The following RSF1 variants were observed in gnomAD, a reference collection of about 807,000 sequenced individuals.
RSF1 encodes the protein remodeling and spacing factor 1, also known as HBV pX-associated protein 8.
RSF1 carries 13 observed loss-of-function variants against 145.2 expected under a neutral mutation model. The observed-to-expected ratio is 0.09, with a 90% CI of 0.06 to 0.14. The LOEUF is 0.14. Among genes scored for constraint, RSF1 ranks in the 10% least tolerant of loss-of-function variants. RSF1 has a pLI of 1.00. For missense variants in RSF1, 1,517 were observed against 1,718.2 expected (o/e 0.88, Z 2.07); for synonymous variants, 577 against 592.6 (o/e 0.97, Z 0.38).
At position 77,674,209 on chromosome 11, in the gene RSF1, C is replaced by A. The variant is rs566040654; in HGVS notation, c.3562+827G>T. Among the ~76,000 whole-genome samples the A allele has an allele frequency of 8.6e-5, 13 of 151,270 alleles. No homozygotes were observed. The South Asian group carries it at 2.5e-3, about 29-fold the overall frequency. On this transcript the variant is annotated intron_variant, in intron 14 of 15. Coordinates refer to ENST00000308488, the MANE Select transcript of RSF1 (RefSeq NM_016578.4). The stretch of plus-strand genomic sequence containing the variant: ...GTTTAGGAAAAAAGATAAATAAAAC[C>A]AAAAAAAACCCACAAGGATGGCCAG...
chr11:77,810,903 A>G lies in RSF1; in HGVS notation c.187+9625T>C, dbSNP rs564678207. 5.3e-5 allele frequency among the ~76,000 whole-genome samples: 8 copies of G among 152,296 alleles called. No homozygotes were observed. In the East Asian group the frequency reaches 1.2e-3, roughly 22 times the overall value. Reference sequence around the variant, plus strand: ...TCTGTAAAGGGCTAGACAGATAATAAGTTCTTCAGGTTTTGGGTTTTGTTT... The same window carrying G: ...TCTGTAAAGGGCTAGACAGATAATAGGTTCTTCAGGTTTTGGGTTTTGTTT... On this transcript the variant is annotated intron_variant, in intron 1 of 15. Transcript: ENST00000308488.
At chr11:77,763,357 AG>A (rs1263971537) in intron 2 of RSF1, 11 of 150,830 alleles carry the variant, frequency 7.3e-5, no homozygotes, top group African/African-American at 2.7e-4. Flanking sequence ...AAAAAAAAAA[AG>A]ATTAAAAGAA....
intron 9 of RSF1, 109 bp from the exon 10 acceptor site, chr11:77,685,268 G>A (rs1395976129): frequency 1.8e-6 from 1 of 556,728 alleles, no homozygotes; most frequent in African/African-American, 2.0e-5. Context: ...GTTAACAGCA[G>A]AGGGTAAGTC....
chr11:77,864,753 A>AGG, the RSF1 span, among the ~76,000 whole-genome samples: 1 of 152,168 alleles, frequency 6.6e-6, no homozygotes, highest in African/African-American at 2.4e-5. Context: ...CCAAGATGGG[A>AGG]GGATTGTTTG....
intron 2 of RSF1, among the ~76,000 whole-genome samples, chr11:77,759,409 T>C (rs991281745): frequency 6.6e-6 from 1 of 151,786 alleles, no homozygotes; most frequent in Non-Finnish European, 1.5e-5. Flanking sequence ...AGGCTGGGCG[T>C]AGCGGCTCAC....
chr11:77,699,864 T>G (rs756658054), intron 6 of RSF1, among the ~76,000 whole-genome samples: 2 of 152,054 alleles, frequency 1.3e-5, no homozygotes, highest in Admixed American at 6.5e-5. Context: ...AGTAAGTGAG[T>G]GGTTAAATAA....
chr11:77,812,951 T>C (rs1437067060), intron 1 of RSF1, among the ~76,000 whole-genome samples: 4 of 152,030 alleles, frequency 2.6e-5, no homozygotes, highest in South Asian at 4.1e-4. Context: ...CAACTCATGT[T>C]CTTACACTGA....
intron 5 of RSF1, among the ~76,000 whole-genome samples, chr11:77,708,532 AAG>A (rs1412221428): frequency 1.7e-4 from 26 of 152,216 alleles, no homozygotes; most frequent in Middle Eastern, 3.2e-3. Flanking sequence ...CCCACTCAGA[AAG>A]AGTTTTAATC....
chr11:77,774,266 A>T (rs1390168569), intron 1 of RSF1, among the ~76,000 whole-genome samples: 1 of 152,186 alleles, frequency 6.6e-6, no homozygotes, highest in East Asian at 1.9e-4. Flanking sequence ...CAACAGGGAG[A>T]GGGGGAGTAA....
chr11:77,738,048 G>A (rs1362848867), intron 4 of RSF1, among the ~76,000 whole-genome samples: 1 of 152,208 alleles, frequency 6.6e-6, no homozygotes, highest in Non-Finnish European at 1.5e-5. Flanking sequence ...AGAATGGCGT[G>A]AACCCGGAAG....
intron 1 of RSF1, among the ~76,000 whole-genome samples, chr11:77,766,558 C>T (rs898875107): frequency 5.3e-5 from 8 of 151,794 alleles, no homozygotes; most frequent in East Asian, 1.9e-4. Context: ...GACAAATCTA[C>T]TAAGATGTGA....
intron 1 of RSF1, among the ~76,000 whole-genome samples, chr11:77,810,183 A>G (rs1215983885): frequency 6.6e-6 from 1 of 152,170 alleles, no homozygotes; most frequent in Non-Finnish European, 1.5e-5. Flanking sequence ...ACACGGCATC[A>G]CCATTCATCC....
At chr11:77,749,815 C>G (rs1948041998) in intron 2 of RSF1, among the ~76,000 whole-genome samples, 1 of 152,128 alleles carries the variant, frequency 6.6e-6, no homozygotes, top group South Asian at 2.1e-4. Context: ...GTGGTGCGAT[C>G]TCGGCTCACT....
chr11:77,737,621 G>GGT lies in RSF1; in HGVS notation c.578+3108_578+3109dup, dbSNP rs1170824350. Among the ~76,000 whole-genome samples, 340 of 93,540 alleles carry GGT rather than the reference G, an allele frequency of 3.6e-3. 2 individuals carry two copies. The highest frequency in any genetic ancestry group is 0.011 in the Admixed American group (97 of 8,506). The allele number at this position is 93,540 out of a possible 152,430, so 61.4% of individuals were successfully genotyped here. A position where few individuals can be genotyped will look rare whatever the true frequency, so the allele number is the denominator to read the frequency against. ...GAAAGAAGTTTTATGTGTTTTGGGG[G>GGT]GTGTGTGTGTGTGTGTGTGTGTGTG... On this transcript the variant is annotated intron_variant, in intron 4 of 15. Coordinates refer to ENST00000308488, the MANE Select transcript of RSF1 (RefSeq NM_016578.4).
chr11:77,730,551 A>G (rs1961180627), intron 4 of RSF1, among the ~76,000 whole-genome samples: 1 of 152,118 alleles, frequency 6.6e-6, no homozygotes, highest in Non-Finnish European at 1.5e-5. Flanking sequence ...TTCCCCACCA[A>G]AGCAAGAAGA....
chr11:77,674,827 C>T (rs999544136), intron 14 of RSF1, among the ~76,000 whole-genome samples: 1 of 152,108 alleles, frequency 6.6e-6, no homozygotes, highest in Non-Finnish European at 1.5e-5. Flanking sequence ...TGGAGAAACT[C>T]CCTCTCTACT....
intron 7 of RSF1, 70 bp from the exon 8 acceptor site, chr11:77,693,681 C>A: frequency 9.4e-7 from 1 of 1,059,572 alleles, no homozygotes; most frequent in Non-Finnish European, 1.4e-6. Context: ...AAAGACGTTT[C>A]AATATCTCTG....
In RSF1 at chr11:77,698,589, A is replaced by C; in HGVS notation, c.2613T>G (p.Ser871=). ...ESEGSGSEKS[S]AASEEEEEKE... ...TTTCTTCCTCCTCTTCTGAAGCTGCAGATGATTTTTCACTGCCAGACCCTT... is the reference window on the plus strand; with the variant it reads ...TTTCTTCCTCCTCTTCTGAAGCTGCCGATGATTTTTCACTGCCAGACCCTT... Residue 871 remains serine (S), a synonymous_variant, in exon 7 of 16, where the codon TCT becomes TCG. Coordinates refer to ENST00000308488, the MANE Select transcript of RSF1 (RefSeq NM_016578.4). 1 of 1,614,138 alleles carries C rather than the reference A, an allele frequency of 6.2e-7. No homozygotes were observed. The highest frequency in any genetic ancestry group is 2.2e-5 in the East Asian group (1 of 44,868).
intron 1 of RSF1, among the ~76,000 whole-genome samples, chr11:77,820,142 G>A (rs1948841883): frequency 6.6e-6 from 1 of 152,304 alleles, no homozygotes; most frequent in South Asian, 2.1e-4. Flanking sequence ...GGAGAAAAGC[G>A]CAAAGCTGGC....
Sources: allele counts gnomAD v4.1 joint callset (sites outside exome capture counted in the v4.1 genomes callset), GRCh38; gene constraint gnomAD v4.1.1; transcripts MANE v1.5; gene names NCBI Gene and HGNC (gene_info 2026-07-23, HGNC 2026-07-21).